Variants in QSER1 observed in about 807,000 individuals in gnomAD.
QSER1 encodes the protein glutamine and serine-rich protein 1.
A neutral mutation model predicts 158.5 loss-of-function variants in QSER1; 49 were observed. That is an observed-to-expected ratio of 0.31 (90% CI 0.25 to 0.39). The LOEUF is 0.39. Among genes scored for constraint, QSER1 ranks in the 10% least tolerant of loss-of-function variants. The pLI is 1.00. For missense variants in QSER1, 1,754 were observed against 2,010.3 expected (o/e 0.87, Z 2.44); for synonymous variants, 650 against 715.5 (o/e 0.91, Z 1.46).
At chr11:32,965,859 T>G (rs1852732851) in intron 8 of QSER1, among the ~76,000 whole-genome samples, 1 of 151,548 alleles carries the variant, frequency 6.6e-6, no homozygotes, top group Non-Finnish European at 1.5e-5. Context: ...GAGAATTGCT[T>G]GAACCTAGGA....
chr11:32,923,411 C>T (rs1197093633), intron 1 of QSER1, among the ~76,000 whole-genome samples: 1 of 152,130 alleles, frequency 6.6e-6, no homozygotes, highest in Admixed American at 6.5e-5. Context: ...CAGTGGCTCA[C>T]GCCTGTAATC....
chr11:32,977,003 A>G lies in QSER1; in HGVS notation c.*529A>G, dbSNP rs969553220. Reference sequence around the variant, plus strand: ...ATTTAAAATATAAAATTTGGAAACTATTCTGCTTTACAGACTCCTTTTACT... The same window carrying G: ...ATTTAAAATATAAAATTTGGAAACTGTTCTGCTTTACAGACTCCTTTTACT... On this transcript the variant is annotated 3_prime_UTR_variant, in exon 13 of 13. Coordinates refer to ENST00000650167, the MANE Select transcript of QSER1 (RefSeq NM_001076786.3). 7 of 152,830 alleles carry G rather than the reference A, an allele frequency of 4.6e-5. No homozygotes were observed. The highest frequency in any genetic ancestry group is 1.0e-4 in the Non-Finnish European group (7 of 68,198). The allele number at this position is 152,830 out of a possible 1,614,324, so 9.5% of individuals were successfully genotyped here.
Position 32,924,940 on chromosome 11 carries a change from G to A in QSER1, c.210-2217G>A, listed in dbSNP as rs144680826. On this transcript the variant is annotated intron_variant, in intron 1 of 12. Coordinates refer to ENST00000650167, the MANE Select transcript of QSER1 (RefSeq NM_001076786.3). Reference sequence around the variant, plus strand: ...TATTGCCATCTTTATTTCCAAGTACGCAATGTTTAGCTCCCACTTATTAAT... The same window carrying A: ...TATTGCCATCTTTATTTCCAAGTACACAATGTTTAGCTCCCACTTATTAAT... Among the ~76,000 whole-genome samples, 207 of 152,028 alleles carry A rather than the reference G, an allele frequency of 1.4e-3. 1 individual carries two copies. Among genetic ancestry groups the A allele is most frequent in the African/African-American group, 4.8e-3 (200 of 41,470 alleles).
intron 4 of QSER1, 121 bp downstream of exon 4, chr11:32,935,556 A>G (rs188075862): frequency 2.8e-6 from 2 of 706,046 alleles, no homozygotes; most frequent in Non-Finnish European, 4.5e-6. Context: ...GACAAAATGT[A>G]TAGGTAGGTA....
At position 32,975,245 on chromosome 11, in the gene QSER1, T is replaced by C. The variant is rs970554759; in HGVS notation, c.5359-3T>C. 27 of 1,540,312 alleles carry C rather than the reference T, an allele frequency of 1.8e-5. No homozygotes were observed. Among genetic ancestry groups the C allele is most frequent in the Non-Finnish European group, 2.4e-5 (27 of 1,145,144 alleles). On this transcript the variant is annotated splice_region_variant and splice_polypyrimidine_tract_variant and intron_variant, in intron 11 of 12. Transcript: ENST00000650167. ...GTATCTATAAACTTTTTTCTTTTTA[T>C]AGGAGTTTGCTGTCGATCCAGAGAA... is the stretch of plus-strand genomic sequence containing the variant.
At chr11:32,896,524 A>G (rs545346539) in intron 1 of QSER1, among the ~76,000 whole-genome samples, 141 of 151,980 alleles carry the variant, frequency 9.3e-4, no homozygotes, top group African/African-American at 3.3e-3. Context: ...TTTAGTAGAG[A>G]TGGGGCTTCA....
At chr11:32,938,770 T>C (rs991651359) in intron 4 of QSER1, among the ~76,000 whole-genome samples, 1 of 152,098 alleles carries the variant, frequency 6.6e-6, no homozygotes, top group African/African-American at 2.4e-5. Flanking sequence ...AAGTTTGTGA[T>C]AAAATAATTA....
intron 1 of QSER1, among the ~76,000 whole-genome samples, chr11:32,901,414 T>C (rs1851623625): frequency 6.6e-6 from 1 of 152,176 alleles, no homozygotes; most frequent in Non-Finnish European, 1.5e-5. Context: ...GAAAATTATA[T>C]TGAGTTCAAG....
Position 32,932,938 on chromosome 11 carries a change from T to A in QSER1, c.1680T>A (p.Ser560=). ...CTCAAAGTTACTCATCTGGTCACTCTCAGGGTTTATCACCAGTTAGCCAGA... is the reference window on the plus strand; with the variant it reads ...CTCAAAGTTACTCATCTGGTCACTCACAGGGTTTATCACCAGTTAGCCAGA... ...SQSQSYSSGH[S]QGLSPVSQTQ... Residue 560 remains serine, a synonymous_variant, in exon 4 of 13, where the codon TCT becomes TCA. Transcript: ENST00000650167. 1 of 1,613,648 alleles carries A rather than the reference T, an allele frequency of 6.2e-7. No homozygotes were observed. Among genetic ancestry groups the A allele is most frequent in the Non-Finnish European group, 8.5e-7 (1 of 1,179,958 alleles).
chr11:32,932,508 C>T lies in QSER1; in HGVS notation c.1250C>T (p.Pro417Leu), dbSNP rs1056546715. 3 of 1,614,096 alleles carry T rather than the reference C, an allele frequency of 1.9e-6. No individual in the cohort carries two copies. The highest frequency in any genetic ancestry group is 8.5e-7 in the Non-Finnish European group (1 of 1,180,016). ...ATAAAAAGCTGTTCTACAGAACAAC[C>T]ACTGACATCAACCAAGACCCCTAAA... ...TKIKSCSTEQ[P>L]LTSTKTPKPQ... Residue 417 changes from proline (P) to leucine (L), a missense_variant, in exon 4 of 13, where the codon CCA (proline) becomes CTA (leucine). Pro to Leu is a moderately conservative substitution (Grantham distance 98). Coordinates refer to ENST00000650167, the MANE Select transcript of QSER1 (RefSeq NM_001076786.3).
In QSER1 at chr11:32,933,840, A is replaced by G. The variant is rs372290683; in HGVS notation, c.2582A>G (p.Asp861Gly). The G allele has an allele frequency of 1.9e-6, 3 of 1,613,346 alleles. No homozygotes were observed. The highest frequency in any genetic ancestry group is 1.3e-5 in the African/African-American group (1 of 74,884). Residue 861 changes from aspartate to glycine, a missense_variant, in exon 4 of 13, where the codon GAT becomes GGT. By Grantham distance (94) the Asp-to-Gly change is moderately conservative (BLOSUM62 -1). Around this residue, in one of 2 missense-constraint regions of QSER1, gnomAD observed 1,707 missense variants for 1,919.6 expected, o/e 0.89. Transcript: ENST00000650167. ...NTQVLLDSAC[D>G]LQILQQSILQ... ...CAGGTCCTTTTAGATTCTGCCTGTG[A>G]TTTACAAATTCTTCAGCAGTCAATA...
chr11:32,919,720 C>A (rs1851877775), intron 1 of QSER1, among the ~76,000 whole-genome samples: 2 of 152,282 alleles, frequency 1.3e-5, no homozygotes, highest in South Asian at 4.1e-4. Context: ...GGTCTCCCTC[C>A]TTCAGGGTAG....
intron 4 of QSER1, among the ~76,000 whole-genome samples, chr11:32,939,420 A>AT (rs149497772): frequency 0.038 from 5,726 of 151,446 alleles, 374 homozygotes; most frequent in African/African-American, 0.13. Context: ...TTGGGTTTTA[A>AT]TTTTTTTTTA....
At chr11:32,918,321 G>A (rs1035697439) in intron 1 of QSER1, among the ~76,000 whole-genome samples, 1 of 152,062 alleles carries the variant, frequency 6.6e-6, no homozygotes, top group African/African-American at 2.4e-5. Context: ...AATACATATA[G>A]TATGTTGAGT....
intron 4 of QSER1, among the ~76,000 whole-genome samples, chr11:32,943,966 G>T (rs1398102612): frequency 4.6e-5 from 7 of 150,708 alleles, no homozygotes; most frequent in Non-Finnish European, 8.9e-5. Context: ...AGTCTTGGGA[G>T]AGTGTATGTG....
At position 32,978,610 on chromosome 11, in the gene QSER1, T is replaced by G. The variant is rs890800454; in HGVS notation, c.*2136T>G. On this transcript the variant is annotated 3_prime_UTR_variant, in exon 13 of 13. Transcript: ENST00000650167. ...GTTTCCTTAAGATGAATCTTACATT[T>G]CCCATAGAAAATAACCCATTTCCTT... is the stretch of plus-strand genomic sequence containing the variant. The G allele has an allele frequency of 1.3e-5, 2 of 152,228 alleles. No individual in the cohort carries two copies. Among genetic ancestry groups the G allele is most frequent in the African/African-American group, 4.8e-5 (2 of 41,466 alleles). 9.4% of individuals were successfully genotyped at this position (152,228 alleles called of 1,614,324 possible). A position where few individuals can be genotyped will look rare whatever the true frequency, so the allele number is the denominator to read the frequency against.
At chr11:32,941,267 T>C (rs1422090610) in intron 4 of QSER1, among the ~76,000 whole-genome samples, 1 of 151,278 alleles carries the variant, frequency 6.6e-6, no homozygotes, top group Non-Finnish European at 1.5e-5. Flanking sequence ...AGTTTTAGGG[T>C]ACATGTGCAC....
chr11:32,933,143 C>A lies in QSER1; in HGVS notation c.1885C>A (p.Gln629Lys). The change falls in exon 4 of 13, where the codon CAA becomes AAA. Residue 629 changes from glutamine (Q) to lysine (K), a missense_variant. By Grantham distance (53) the Gln-to-Lys change is moderately conservative. Around this residue, in one of 2 missense-constraint regions of QSER1, gnomAD observed 1,707 missense variants for 1,919.6 expected, o/e 0.89. Coordinates refer to ENST00000650167, the MANE Select transcript of QSER1 (RefSeq NM_001076786.3). The part of the protein sequence containing the change: ...TQNYISMHSS[Q>K]NVQTQESSSP... ...GAATTATATTTCTATGCATTCTTCC[C>A]AAAATGTTCAGACTCAAGAGTCATC... 1 of 1,613,176 alleles carries A rather than the reference C, an allele frequency of 6.2e-7. No individual in the cohort carries two copies. Among genetic ancestry groups the A allele is most frequent in the Non-Finnish European group, 8.5e-7 (1 of 1,179,720 alleles).
chr11:32,955,787 T>C (rs1400832858), intron 6 of QSER1, among the ~76,000 whole-genome samples: 1 of 152,212 alleles, frequency 6.6e-6, no homozygotes, highest in African/African-American at 2.4e-5. Flanking sequence ...TAGCTGGAAG[T>C]AAGAATATGC....
Sources: allele counts gnomAD v4.1 joint callset (sites outside exome capture counted in the v4.1 genomes callset), GRCh38; gene constraint gnomAD v4.1.1; regional missense constraint gnomAD v4.1.1; transcripts MANE v1.5; gene names NCBI Gene and HGNC (gene_info 2026-07-23, HGNC 2026-07-21).